Variants in NRF1 observed in about 807,000 individuals in gnomAD.
The protein encoded by NRF1 is alpha palindromic-binding protein.
NRF1 carries 5 observed loss-of-function variants against 58.5 expected under a neutral mutation model. The ratio of observed to expected loss-of-function variants is 0.09; its 90% CI spans 0.04 to 0.18. The LOEUF (loss-of-function observed/expected upper bound fraction) is 0.18. Among genes scored for constraint, NRF1 ranks in the 10% least tolerant of loss-of-function variants. The pLI is 1.00. For missense variants in NRF1, 288 were observed against 657.7 expected (o/e 0.44, Z 6.15); for synonymous variants, 224 against 246.7 (o/e 0.91, Z 0.86).
intron 10 of NRF1, among the ~76,000 whole-genome samples, chr7:129,750,438 C>T (rs1451504302): frequency 6.6e-6 from 1 of 152,122 alleles, no homozygotes; most frequent in Non-Finnish European, 1.5e-5. Flanking sequence ...GACACTGAGG[C>T]GATTTAATCT....
In NRF1 at chr7:129,709,721, TTTTC is replaced by T. The variant is rs1351888187; in HGVS notation, c.765+496_765+499del. 4.1e-5 allele frequency among the ~76,000 whole-genome samples: 6 copies of T among 147,088 alleles called. No homozygotes were observed. In the East Asian group the frequency reaches 5.9e-4, roughly 14 times the overall value. ...GCGTATTTATTTTTCTTTTTCTTTC[TTTTC>T]TTTCTTTTTTTTTTTTTTTTTTGAG... On this transcript the variant is annotated intron_variant, in intron 6 of 10. Coordinates refer to ENST00000393232, the MANE Select transcript of NRF1 (RefSeq NM_005011.5).
In NRF1 at chr7:129,744,358, C is replaced by T. The variant is rs1413207511; in HGVS notation, c.1349-10660C>T. 4.5e-6 allele frequency: 3 copies of T among 666,908 alleles called. No homozygotes were observed. The African/African-American group carries it at 5.5e-5, about 12-fold the overall frequency. 41.3% of individuals were successfully genotyped at this position (666,908 alleles called of 1,614,324 possible). A position where few individuals can be genotyped will look rare whatever the true frequency, so the allele number is the denominator to read the frequency against. ...CTGTGCAGTCCCCCTCACTCGGTCA[C>T]CTGATAGTTTTAGTAACCATTGATT... On this transcript the variant is annotated intron_variant, in intron 10 of 10. Transcript: ENST00000393232.
chr7:129,735,327 C>T (rs550667899), intron 10 of NRF1: 11 of 663,882 alleles, frequency 1.7e-5, no homozygotes, highest in African/African-American at 1.4e-4. Flanking sequence ...GTCAGGAGTT[C>T]GAGACCAGCC....
chr7:129,636,990 C>T (rs894249980), intron 1 of NRF1, among the ~76,000 whole-genome samples: 1 of 152,058 alleles, frequency 6.6e-6, no homozygotes, highest in African/African-American at 2.4e-5. Flanking sequence ...TCTATAATGC[C>T]TAGTAAGTAA....
In NRF1 at chr7:129,671,503, A is replaced by G; in HGVS notation, c.298A>G (p.Asn100Asp). 1 of 1,613,698 alleles carries G rather than the reference A, an allele frequency of 6.2e-7. No individual in the cohort carries two copies. Among genetic ancestry groups the G allele is most frequent in the Non-Finnish European group, 8.5e-7 (1 of 1,179,574 alleles). The part of the protein sequence containing the change: ...KRKRPHVFES[N>D]PSIRKRQQTR... ...GAAACGGCCTCATGTATTTGAGTCT[A>G]ATCCATCTATCCGGAAGAGGCAACA... Residue 100 changes from asparagine to aspartate, a missense_variant, in exon 3 of 11, where the codon AAT (asparagine) becomes GAT (aspartate). Asn to Asp is a conservative substitution (Grantham distance 23). Transcript: ENST00000393232.
chr7:129,662,774 T>G (rs1801815938), intron 2 of NRF1, among the ~76,000 whole-genome samples: 1 of 152,100 alleles, frequency 6.6e-6, no homozygotes, highest in Non-Finnish European at 1.5e-5. Flanking sequence ...ATTTTAGTAT[T>G]TATTGATCAT....
intron 10 of NRF1, among the ~76,000 whole-genome samples, chr7:129,738,251 C>T (rs1410486062): frequency 6.6e-6 from 1 of 152,154 alleles, no homozygotes; most frequent in African/African-American, 2.4e-5. Flanking sequence ...GAAAAGATTC[C>T]TTCTTGTAAT....
chr7:129,626,954 C>G (rs910201088), intron 1 of NRF1, among the ~76,000 whole-genome samples: 14 of 152,204 alleles, frequency 9.2e-5, no homozygotes, highest in Admixed American at 2.6e-4. Context: ...AGACTAGAGA[C>G]ATAGGTGAAG....
At chr7:129,695,786 A>G (rs1584649033) in intron 5 of NRF1, among the ~76,000 whole-genome samples, 1 of 151,466 alleles carries the variant, frequency 6.6e-6, no homozygotes, top group African/African-American at 2.4e-5. Context: ...AGGGATGTAC[A>G]TTAAAATATT....
intron 10 of NRF1, among the ~76,000 whole-genome samples, chr7:129,744,834 CTGAG>C (rs1399211125): frequency 3.3e-5 from 5 of 151,880 alleles, no homozygotes; most frequent in Non-Finnish European, 7.4e-5. Flanking sequence ...ACAGATTATG[CTGAG>C]TGAGGGGATG....
intron 9 of NRF1, among the ~76,000 whole-genome samples, chr7:129,725,742 G>T (rs2116245816): frequency 6.6e-6 from 1 of 152,242 alleles, no homozygotes; most frequent in Admixed American, 6.5e-5. Context: ...CAAGTATACT[G>T]CTTTTATTAT....
intron 1 of NRF1, among the ~76,000 whole-genome samples, chr7:129,639,054 A>G (rs1045969494): frequency 1.3e-5 from 2 of 152,172 alleles, no homozygotes; most frequent in Admixed American, 6.5e-5. Context: ...ATTAACTCAC[A>G]AAGTAAATAT....
At chr7:129,735,126 G>A (rs1163253560) in intron 10 of NRF1, 4 of 985,294 alleles carry the variant, frequency 4.1e-6, no homozygotes, top group African/African-American at 3.5e-5. Context: ...ATCTGTCTCC[G>A]CTGGTCAGCA....
At chr7:129,638,692 TG>T (rs1449477954) in intron 1 of NRF1, among the ~76,000 whole-genome samples, 1 of 152,228 alleles carries the variant, frequency 6.6e-6, no homozygotes, top group African/African-American at 2.4e-5. Context: ...TTTTGGTGAT[TG>T]GTTTTTTTAA....
intron 1 of NRF1, among the ~76,000 whole-genome samples, chr7:129,634,888 T>G (rs942816147): frequency 5.9e-5 from 9 of 152,202 alleles, no homozygotes; most frequent in Non-Finnish European, 1.2e-4. Context: ...GTAATTGAGG[T>G]CTGTGGGGCT....
At chr7:129,702,843 A>G (rs1280014545) in intron 5 of NRF1, among the ~76,000 whole-genome samples, 2 of 152,152 alleles carry the variant, frequency 1.3e-5, no homozygotes, top group African/African-American at 2.4e-5. Flanking sequence ...GTTGGTCTGA[A>G]AGACCTTTTC....
intron 1 of NRF1, among the ~76,000 whole-genome samples, chr7:129,625,358 T>C (rs746363515): frequency 2.0e-5 from 3 of 152,166 alleles, no homozygotes; most frequent in Non-Finnish European, 1.5e-5. Flanking sequence ...TGTGAACATA[T>C]CTTTTTGGGA....
At chr7:129,660,716 C>T (rs903143792) in intron 2 of NRF1, among the ~76,000 whole-genome samples, 1 of 150,770 alleles carries the variant, frequency 6.6e-6, no homozygotes, top group Non-Finnish European at 1.5e-5. Context: ...CAGCCTCCCT[C>T]CCAGCTGCTT....
At chr7:129,747,253 A>T (rs1202595815) in intron 10 of NRF1, among the ~76,000 whole-genome samples, 1 of 152,134 alleles carries the variant, frequency 6.6e-6, no homozygotes, top group Non-Finnish European at 1.5e-5. Context: ...TCGATTAGCA[A>T]CCACTTCATC....
Sources: gnomAD v4.1 joint callset for allele counts (sites outside exome capture counted in the v4.1 genomes callset) on GRCh38, gnomAD v4.1.1 for gene constraint, MANE v1.5 for transcripts, NCBI Gene and HGNC (gene_info 2026-07-23, HGNC 2026-07-21) for gene names.